TBCD: variants seen among roughly 807,000 people sequenced by gnomAD.
TBCD encodes the protein tubulin-specific chaperone D.
Under a neutral mutation model 169.3 loss-of-function variants are expected in TBCD, and 105 were observed. The ratio of observed to expected loss-of-function variants is 0.62; its 90% CI spans 0.53 to 0.73. The LOEUF is 0.73. Among genes scored for constraint, TBCD ranks in the 30% least tolerant of loss-of-function variants. The probability of loss-of-function intolerance (pLI) is 0.00; values close to 1 mark genes in which losing one functional copy is unlikely to be tolerated. For synonymous variants in TBCD, 700 were observed against 643.9 expected (o/e 1.09, Z -1.32); for missense variants, 1,444 against 1,600.1 (o/e 0.90, Z 1.66).
chr17:82,887,171 GCGCGCGCGCACGTGCGCTCA>G lies in TBCD; in HGVS notation c.1534-2492_1534-2473del, dbSNP rs1370663571. Reference sequence around the variant, plus strand: ...TGTGTGTGTGTGTGTGTGTGTGTGCGCGCGCGCGCACGTGCGCTCACGCGTTTACTTCTGTGTGATTGTAT... The same window carrying G: ...TGTGTGTGTGTGTGTGTGTGTGTGCGCGCGTTTACTTCTGTGTGATTGTAT... On this transcript the variant is annotated intron_variant, in intron 15 of 38. Transcript: ENST00000355528. Among the ~76,000 whole-genome samples the G allele has an allele frequency of 6.0e-5, 4 of 66,374 alleles. No homozygotes were observed. In the East Asian group the frequency reaches 9.6e-4, roughly 16 times the overall value. The allele number at this position is 66,374 out of a possible 152,430, so 43.5% of individuals were successfully genotyped here. A position where few individuals can be genotyped will look rare whatever the true frequency, so the allele number is the denominator to read the frequency against.
intron 13 of TBCD, among the ~76,000 whole-genome samples, chr17:82,827,972 C>A (rs201522964): frequency 2.0e-5 from 3 of 147,160 alleles, no homozygotes; most frequent in Admixed American, 6.8e-5. Flanking sequence ...CTCACAGATA[C>A]GCACACATGC....
chr17:82,779,271 T>C (rs148071681), intron 6 of TBCD, among the ~76,000 whole-genome samples: 7,302 of 152,216 alleles, frequency 0.048, 369 homozygotes, highest in African/African-American at 0.13. Context: ...CCCAAAGTGC[T>C]GGGATTACGG....
In TBCD at chr17:82,889,781, C is replaced by T. The variant is rs1334595135; in HGVS notation, c.1563+84C>T. The T allele has an allele frequency of 1.3e-6, 2 of 1,502,752 alleles. No individual in the cohort carries two copies. The highest frequency in any genetic ancestry group is 2.3e-5 in the East Asian group (1 of 44,018). The allele number at this position is 1,502,752 out of a possible 1,614,324, so 93.1% of individuals were successfully genotyped here. ...ATCTTGAGAGCTATAACCCTGGTGT[C>T]TTCTCGCACTGTGAGATGTGGTGTG... is the stretch of plus-strand genomic sequence containing the variant. On this transcript the variant is annotated intron_variant, in intron 16 of 38. Transcript: ENST00000355528. The surrounding 1 kb of genome is among the most constrained non-coding windows in gnomAD (Gnocchi z 5.3).
intron 32 of TBCD, chr17:82,929,959 G>C (rs2062060764): frequency 3.2e-6 from 1 of 313,714 alleles, no homozygotes; most frequent in Non-Finnish European, 6.2e-6. Context: ...TCTGCATCTT[G>C]TCACTCGTGG....
chr17:82,867,361 A>G (rs2057246062), intron 13 of TBCD, among the ~76,000 whole-genome samples: 1 of 152,162 alleles, frequency 6.6e-6, no homozygotes, highest in Non-Finnish European at 1.5e-5. Flanking sequence ...AGCGGTTTGC[A>G]CCCAGATGCC....
chr17:82,762,823 C>T (rs1342101510), intron 2 of TBCD, among the ~76,000 whole-genome samples: 1 of 152,016 alleles, frequency 6.6e-6, no homozygotes, highest in Non-Finnish European at 1.5e-5. Context: ...ACCATTTCTA[C>T]CAACAAGGTA....
chr17:82,842,971 G>A (rs1480398193), intron 13 of TBCD, among the ~76,000 whole-genome samples: 1 of 151,598 alleles, frequency 6.6e-6, no homozygotes, highest in Non-Finnish European at 1.5e-5. Flanking sequence ...TAGTAGAGAC[G>A]GGGTTTCACC....
chr17:82,858,989 G>A (rs982658740), intron 13 of TBCD, among the ~76,000 whole-genome samples: 2 of 152,228 alleles, frequency 1.3e-5, no homozygotes, highest in East Asian at 1.9e-4. Flanking sequence ...GCCAGGCTGC[G>A]TGGCAACCCT....
chr17:82,891,666 A>G (rs1481335837), intron 16 of TBCD, among the ~76,000 whole-genome samples: 1 of 151,980 alleles, frequency 6.6e-6, no homozygotes, highest in Non-Finnish European at 1.5e-5. Flanking sequence ...TCTAATACAC[A>G]GATTTGGAAT....
chr17:82,889,395 G>A lies in TBCD; in HGVS notation c.1534-273G>A, dbSNP rs899427893. ...CTCTGAGTTGACAGCCGGGGCCTCCGCGTGGGTGCTGCTGGGAGGCTCAGT... is the reference window on the plus strand; with the variant it reads ...CTCTGAGTTGACAGCCGGGGCCTCCACGTGGGTGCTGCTGGGAGGCTCAGT... On this transcript the variant is annotated intron_variant, in intron 15 of 38. Coordinates refer to ENST00000355528, the MANE Select transcript of TBCD (RefSeq NM_005993.5). This position sits in a 1 kb window ranked among gnomAD's most constrained non-coding sequence, Gnocchi z 5.3. Among the ~76,000 whole-genome samples the A allele has an allele frequency of 4.3e-4, 65 of 152,166 alleles. 1 individual carries two copies. The highest frequency in any genetic ancestry group is 1.2e-4 in the Non-Finnish European group (8 of 68,022).
rs2061477183 is a variant in TBCD at position 82,922,442 on chromosome 17, G to C, written c.2178+865G>C. ...GTTTTGATATTGAGGATGAAGAATG[G>C]AAGTACATTTAGGTGTCTTGTAATT... On this transcript the variant is annotated intron_variant, in intron 25 of 38. Coordinates refer to ENST00000355528, the MANE Select transcript of TBCD (RefSeq NM_005993.5). The surrounding 1 kb of genome is among the most constrained non-coding windows in gnomAD (Gnocchi z 4.1). 6.6e-6 allele frequency among the ~76,000 whole-genome samples: 1 copy of C among 152,162 alleles called. No individual in the cohort carries two copies. The highest frequency in any genetic ancestry group is 1.5e-5 in the Non-Finnish European group (1 of 68,030).
intron 4 of TBCD, among the ~76,000 whole-genome samples, chr17:82,767,692 C>T (rs1029318566): frequency 5.3e-5 from 8 of 152,080 alleles, no homozygotes; most frequent in Admixed American, 2.0e-4. Flanking sequence ...CACGGTGGCT[C>T]GTGCCTGTAA....
At chr17:82,870,439 C>A in intron 14 of TBCD, 59 bp downstream of exon 14, 2 of 1,571,498 alleles carry the variant, frequency 1.3e-6, no homozygotes, top group South Asian at 2.3e-5. Flanking sequence ...CGCCGTGTGT[C>A]GTTTCCTCCA....
At chr17:82,792,488 T>A (rs1046786090) in intron 7 of TBCD, among the ~76,000 whole-genome samples, 1 of 152,234 alleles carries the variant, frequency 6.6e-6, no homozygotes, top group African/African-American at 2.4e-5. Context: ...TACACTGTCA[T>A]GAACAGATTG....
intron 34 of TBCD, among the ~76,000 whole-genome samples, chr17:82,934,382 C>CT (rs34844737): frequency 0.5 from 76,560 of 152,056 alleles, 19,454 homozygotes; most frequent in East Asian, 0.65. Flanking sequence ...GACTGACCTT[C>CT]TTACACCTGC....
chr17:82,873,285 G>T (rs147230304), intron 14 of TBCD, among the ~76,000 whole-genome samples: 220 of 152,330 alleles, frequency 1.4e-3, no homozygotes, highest in Non-Finnish European at 2.3e-3. Context: ...CCCTGGTCCA[G>T]TGTCACAGGA....
Position 82,814,931 on chromosome 17 carries a change from G to T in TBCD, c.1315G>T (p.Asp439Tyr), listed in dbSNP as rs922290850. Reference sequence around the variant, plus strand: ...CCTGTTGCTGCCGTCTCGACTCGTGGATGGTGAGTAGCTGAGGCACGGTCA... The same window carrying T: ...CCTGTTGCTGCCGTCTCGACTCGTGTATGGTGAGTAGCTGAGGCACGGTCA... ...RGLLLPSRLV[D>Y]VVAVILKALT... The change falls in exon 13 of 39, where the codon GAT (aspartate) becomes TAT (tyrosine). Residue 439 changes from aspartate to tyrosine, a missense_variant. Asp to Tyr is a radical substitution (Grantham distance 160). Coordinates refer to ENST00000355528, the MANE Select transcript of TBCD (RefSeq NM_005993.5). 6.2e-7 allele frequency: 1 copy of T among 1,611,560 alleles called. No individual in the cohort carries two copies. Among genetic ancestry groups the T allele is most frequent in the Non-Finnish European group, 8.5e-7 (1 of 1,179,260 alleles).
intron 14 of TBCD, among the ~76,000 whole-genome samples, chr17:82,876,652 G>A (rs1255870772): frequency 6.6e-6 from 1 of 152,200 alleles, no homozygotes; most frequent in Non-Finnish European, 1.5e-5. Flanking sequence ...TCCATATATA[G>A]TTGATTGGTC....
Position 82,853,097 on chromosome 17 carries a change from C to T in TBCD, c.1319-17127C>T, listed in dbSNP as rs188510304. 5.9e-5 allele frequency among the ~76,000 whole-genome samples: 9 copies of T among 151,908 alleles called. No individual in the cohort carries two copies. The East Asian group carries it at 1.4e-3, about 23-fold the overall frequency. On this transcript the variant is annotated intron_variant, in intron 13 of 38. Transcript: ENST00000355528. ...TTTTTTTTAAATTAATTTATTTTGTCGAGACAGGTTCTTGCTCTGTTGCCC... is the reference window on the plus strand; with the variant it reads ...TTTTTTTTAAATTAATTTATTTTGTTGAGACAGGTTCTTGCTCTGTTGCCC...
Sources: gnomAD v4.1 joint callset for allele counts (sites outside exome capture counted in the v4.1 genomes callset) on GRCh38, gnomAD v4.1.1 for gene constraint, Gnocchi (gnomAD v3.1) non-coding constraint, MANE v1.5 for transcripts, NCBI Gene and HGNC (gene_info 2026-07-23, HGNC 2026-07-21) for gene names.